Variants in DUOXA2 observed in about 807,000 individuals in gnomAD.
DUOXA2 encodes the protein dual oxidase maturation factor 2.
Under a neutral mutation model 27.6 loss-of-function variants are expected in DUOXA2, and 22 were observed. That is an observed-to-expected ratio of 0.80 (90% CI 0.57 to 1.14). The LOEUF (loss-of-function observed/expected upper bound fraction) is 1.14, where lower values mean the gene tolerates loss of function less well. Ranked by LOEUF, DUOXA2 falls within the 50% of genes most tolerant of loss-of-function variation. DUOXA2 has a pLI of 0.00. For missense variants in DUOXA2, 481 were observed against 419.9 expected (o/e 1.15, Z -1.27); for synonymous variants, 188 against 184.4 (o/e 1.02, Z -0.16).
intron 4 of DUOXA2, 61 bp downstream of exon 4, chr15:45,116,790 G>GA: frequency 6.3e-7 from 1 of 1,575,542 alleles, no homozygotes; most frequent in Non-Finnish European, 8.6e-7. Context: ...GGCCGTATGA[G>GA]CGGGAGGATG....
chr15:45,117,187 G>T lies in DUOXA2; in HGVS notation c.651G>T (p.Ala217=), dbSNP rs751121404. ...CACTGCTGACCACCGGAGCCTTCGCGCTCTTCGGGGTCTTCGCCTTGGCCT... is the reference window on the plus strand; with the variant it reads ...CACTGCTGACCACCGGAGCCTTCGCTCTCTTCGGGGTCTTCGCCTTGGCCT... ...GLALLTTGAF[A]LFGVFALASI... is the part of the protein sequence containing the mutation. The change falls in exon 5 of 6, where the codon GCG becomes GCT. Residue 217 remains alanine (A), a synonymous_variant. Transcript: ENST00000323030. 1.2e-6 allele frequency: 2 copies of T among 1,607,032 alleles called. No homozygotes were observed. Among genetic ancestry groups the T allele is most frequent in the South Asian group, 1.1e-5 (1 of 90,884 alleles).
At chr15:45,115,737 G>A (rs79912197) in intron 1 of DUOXA2, 62 bp from the exon 2 acceptor site, 1 of 1,599,504 alleles carries the variant, frequency 6.3e-7, no homozygotes, top group African/African-American at 1.3e-5. Context: ...TGGGGTCAAG[G>A]GTGGTCTTGG....
chr15:45,117,314 C>A lies in DUOXA2; in HGVS notation c.769+9C>A, dbSNP rs188557559. 6.1e-5 allele frequency: 97 copies of A among 1,583,884 alleles called. No individual in the cohort carries two copies. The highest frequency in any genetic ancestry group is 1.2e-4 in the Admixed American group (7 of 57,782). ...GGTCACGCTGGCAACCGGTGAGGAC[C>A]GAGAGAATGGGCCCCGGGGGCTAAG... On this transcript the variant is annotated intron_variant, in intron 5 of 5. Coordinates refer to ENST00000323030, the MANE Select transcript of DUOXA2 (RefSeq NM_207581.4).
chr15:45,115,890 G>C (rs370570215), intron 2 of DUOXA2, 34 bp downstream of exon 2: 1 of 1,613,920 alleles, frequency 6.2e-7, no homozygotes, highest in Non-Finnish European at 8.5e-7. Context: ...GGGAGAGGAC[G>C]GGGTGAGGAA....
chr15:45,116,379 G>A (rs911441501), intron 3 of DUOXA2, 121 bp downstream of exon 3: 48 of 1,568,364 alleles, frequency 3.1e-5, no homozygotes, highest in Middle Eastern at 1.9e-4. Context: ...TGGTCCTCGT[G>A]GATTTGCGTT....
intron 2 of DUOXA2, 132 bp from the exon 3 acceptor site, chr15:45,115,992 T>A (rs1229321152): frequency 6.3e-7 from 1 of 1,586,704 alleles, no homozygotes; most frequent in East Asian, 2.2e-5. Context: ...AGGGCCCACT[T>A]TTTGGCCCTT....
At chr15:45,116,017 T>G in intron 2 of DUOXA2, 107 bp from the exon 3 acceptor site, 1 of 1,598,872 alleles carries the variant, frequency 6.3e-7, no homozygotes, top group South Asian at 1.1e-5. Context: ...TGCAACCACA[T>G]TGGACCTCTA....
chr15:45,115,443 G>A (rs1305082123), intron 1 of DUOXA2: 1 of 513,550 alleles, frequency 1.9e-6, no homozygotes, highest in Non-Finnish European at 3.8e-6. Flanking sequence ...ACCCCTGCGT[G>A]CCTAGCACTT....
chr15:45,114,388 C>G lies in DUOXA2; in HGVS notation c.-218C>G, dbSNP rs769150896. On this transcript the variant is annotated 5_prime_UTR_variant, in exon 1 of 6. Coordinates refer to ENST00000323030, the MANE Select transcript of DUOXA2 (RefSeq NM_207581.4). ...GACAGTGAGAAATAGTTTCGCTCGCCGGCTAGAAAAACTCTGTCGGTACCA... is the reference window on the plus strand; with the variant it reads ...GACAGTGAGAAATAGTTTCGCTCGCGGGCTAGAAAAACTCTGTCGGTACCA... The G allele has an allele frequency of 1.6e-6, 1 of 614,632 alleles. No homozygotes were observed. The highest frequency in any genetic ancestry group is 2.9e-6 in the Non-Finnish European group (1 of 350,802). 38.1% of individuals were successfully genotyped at this position (614,632 alleles called of 1,614,324 possible).
At chr15:45,115,958 T>C in intron 2 of DUOXA2, 102 bp downstream of exon 2, 1 of 1,593,888 alleles carries the variant, frequency 6.3e-7, no homozygotes, top group South Asian at 1.1e-5. Flanking sequence ...TTCTGCTCCC[T>C]CTTCCCACTC....
chr15:45,115,761 G>C, intron 1 of DUOXA2, 38 bp from the exon 2 acceptor site: 2 of 1,613,964 alleles, frequency 1.2e-6, no homozygotes. Context: ...CTCTGGTTTG[G>C]CAGGGCTCAG....
rs753869388 is a variant in DUOXA2, at chr15:45,117,827, G to T, written c.881G>T (p.Gly294Val). The T allele has an allele frequency of 1.2e-6, 2 of 1,613,866 alleles. No individual in the cohort carries two copies. The highest frequency in any genetic ancestry group is 1.1e-5 in the South Asian group (1 of 91,086). Residue 294 changes from glycine to valine, a missense_variant, in exon 6 of 6, where the codon GGG (glycine) becomes GTG (valine). Transcript: ENST00000323030. ...GCCAAGGACTGCAGCCAGGAGAGAG[G>T]GGGCTCACCTCTTATCCTCGGCGAC... is the stretch of plus-strand genomic sequence containing the variant. ...QSAKDCSQER[G>V]GSPLILGDPL...
At chr15:45,114,926 G>T (rs1279729428) in intron 1 of DUOXA2, among the ~76,000 whole-genome samples, 174 bp downstream of exon 1, 1 of 152,174 alleles carries the variant, frequency 6.6e-6, no homozygotes, top group Non-Finnish European at 1.5e-5. Flanking sequence ...CCAAGGATAG[G>T]GAGAGCTCCC....
At position 45,116,570 on chromosome 15, in the gene DUOXA2, G is replaced by T. The variant is rs753976440; in HGVS notation, c.395G>T (p.Trp132Leu). 5.2e-5 allele frequency: 84 copies of T among 1,613,934 alleles called. No individual in the cohort carries two copies. Among genetic ancestry groups the T allele is most frequent in the Non-Finnish European group, 6.4e-5 (75 of 1,180,052 alleles). Residue 132 changes from tryptophan (W) to leucine (L), a missense_variant, in exon 4 of 6, where the codon TGG (tryptophan) becomes TTG (leucine). Trp to Leu is a moderately conservative substitution (Grantham distance 61, BLOSUM62 -2). Coordinates refer to ENST00000323030, the MANE Select transcript of DUOXA2 (RefSeq NM_207581.4). ...ATTGACTACAACGAGCAGTTCACCT[G>T]GCGTCTGAAAGAGAATTACGCCGCG... ...ETIDYNEQFTWRLKENYAAEY... is the reference protein window; with the variant it reads ...ETIDYNEQFTLRLKENYAAEY...
chr15:45,118,122 A>T lies in DUOXA2; in HGVS notation c.*213A>T. On this transcript the variant is annotated 3_prime_UTR_variant, in exon 6 of 6. Transcript: ENST00000323030. ...TTTTTAAAAACTGTTTTTCCCATTA[A>T]TTTTCATGGCTTCTCCGCGCCGGGG... 6.9e-7 allele frequency: 1 copy of T among 1,449,918 alleles called. No individual in the cohort carries two copies. Among genetic ancestry groups the T allele is most frequent in the Non-Finnish European group, 9.0e-7 (1 of 1,105,964 alleles). 89.8% of individuals were successfully genotyped at this position (1,449,918 alleles called of 1,614,324 possible). A position where few individuals can be genotyped will look rare whatever the true frequency, so the allele number is the denominator to read the frequency against.
chr15:45,117,348 C>T, intron 5 of DUOXA2, 43 bp downstream of exon 5: 1 of 1,536,800 alleles, frequency 6.5e-7, no homozygotes, highest in Non-Finnish European at 8.8e-7. Flanking sequence ...AGGGTGGAGA[C>T]AGGATTCACA....
At chr15:45,116,097 A>G (rs2141164988) in intron 2 of DUOXA2, 27 bp from the exon 3 acceptor site, 2 of 1,482,476 alleles carry the variant, frequency 1.3e-6, no homozygotes, top group East Asian at 4.7e-5. Flanking sequence ...CCCTCATCCC[A>G]CCCCCACCGT....
Position 45,114,492 on chromosome 15 carries a change from C to T in DUOXA2, c.-114C>T. 5 of 1,456,860 alleles carry T rather than the reference C, an allele frequency of 3.4e-6. No homozygotes were observed. Among genetic ancestry groups the T allele is most frequent in the Non-Finnish European group, 4.7e-6 (5 of 1,070,504 alleles). The allele number at this position is 1,456,860 out of a possible 1,614,324, so 90.2% of individuals were successfully genotyped here. ...AGGACTCAGACTTCACCAGCCCACT[C>T]GGTCCCAGCCTTGTACGCAAAGAGA... On this transcript the variant is annotated 5_prime_UTR_variant, in exon 1 of 6. Coordinates refer to ENST00000323030, the MANE Select transcript of DUOXA2 (RefSeq NM_207581.4).
rs1894782370 is a variant in DUOXA2 at position 45,117,924 on chromosome 15, G to A, written c.*15G>A. The A allele has an allele frequency of 4.3e-6, 7 of 1,613,122 alleles. No individual in the cohort carries two copies. Among genetic ancestry groups the A allele is most frequent in the Admixed American group, 1.7e-5 (1 of 60,008 alleles). ...CTAACCTGTGAGGGGGACCCAATCT[G>A]GACTCCTTCCCCGCCTTGGGACATC... On this transcript the variant is annotated 3_prime_UTR_variant, in exon 6 of 6. Coordinates refer to ENST00000323030, the MANE Select transcript of DUOXA2 (RefSeq NM_207581.4).
Sources: allele counts gnomAD v4.1 joint callset (sites outside exome capture counted in the v4.1 genomes callset), GRCh38; gene constraint gnomAD v4.1.1; transcripts MANE v1.5; gene names NCBI Gene and HGNC (gene_info 2026-07-23, HGNC 2026-07-21).